The following PCED1B variants were observed in gnomAD, a reference collection of about 807,000 sequenced individuals.
The protein encoded by PCED1B is PC-esterase domain containing 1B.
For synonymous variants in PCED1B, 251 were observed against 246.1 expected (o/e 1.02, Z -0.19); for missense variants, 573 against 573.9 (o/e 1.00, Z 0.02).
chr12:47,155,234 C>A (rs999206942), intron 2 of PCED1B, among the ~76,000 whole-genome samples: 1 of 152,172 alleles, frequency 6.6e-6, no homozygotes, highest in African/African-American at 2.4e-5. Context: ...GTTCCATATA[C>A]TGAAAGGAGC....
At chr12:47,184,002 C>T (rs1454881296) in intron 2 of PCED1B, among the ~76,000 whole-genome samples, 4 of 152,176 alleles carry the variant, frequency 2.6e-5, no homozygotes, top group South Asian at 2.1e-4. Context: ...CCATTAGGTA[C>T]TTAAACCAGC....
Position 47,235,546 on chromosome 12 carries a change from G to A in PCED1B, c.483G>A (p.Val161=). Residue 161 remains valine (V), a synonymous_variant, in exon 4 of 4, where the codon GTG becomes GTA. Coordinates refer to ENST00000546455, the MANE Select transcript of PCED1B (RefSeq NM_138371.3). ...TGCTGCCCGAGTCTTGCCTCCTGGT[G>A]TGGAACACGGCCATGCCTGTGGGCG... ...GQVLPESCLL[V]WNTAMPVGEE... 6.2e-7 allele frequency: 1 copy of A among 1,610,960 alleles called. No individual in the cohort carries two copies. The highest frequency in any genetic ancestry group is 8.5e-7 in the Non-Finnish European group (1 of 1,177,998).
rs1943603774 is a variant in PCED1B, at chr12:47,225,348, C to T, written c.-58+8659C>T. Among the ~76,000 whole-genome samples the T allele has an allele frequency of 3.3e-5, 5 of 152,304 alleles. No homozygotes were observed. In the South Asian group the frequency reaches 1.0e-3, roughly 32 times the overall value. On this transcript the variant is annotated intron_variant, in intron 3 of 3. Coordinates refer to ENST00000546455, the MANE Select transcript of PCED1B (RefSeq NM_138371.3). ...AAAAATAGGCCTGCATTGCTTCTTC[C>T]ACTTTGGTGTTGTATAGGTCACTGG...
At chr12:47,231,279 C>G (rs1300840017) in intron 3 of PCED1B, among the ~76,000 whole-genome samples, 1 of 152,018 alleles carries the variant, frequency 6.6e-6, no homozygotes, top group Non-Finnish European at 1.5e-5. Flanking sequence ...AAGAAATGGC[C>G]AAAGCAGAAA....
chr12:47,218,999 G>A (rs1189703574), intron 3 of PCED1B, among the ~76,000 whole-genome samples: 1 of 151,972 alleles, frequency 6.6e-6, no homozygotes, highest in African/African-American at 2.4e-5. Context: ...CAATTATCTG[G>A]GCATGGTGGC....
chr12:47,120,903 A>G (rs1283313554), intron 2 of PCED1B, among the ~76,000 whole-genome samples: 1 of 152,190 alleles, frequency 6.6e-6, no homozygotes, highest in Non-Finnish European at 1.5e-5. Context: ...AAAAGATCAC[A>G]CATTATATGA....
intron 1 of PCED1B, among the ~76,000 whole-genome samples, chr12:47,089,316 G>T (rs983116421): frequency 1.3e-5 from 2 of 150,916 alleles, no homozygotes; most frequent in African/African-American, 4.9e-5. Flanking sequence ...GCGTGGTGAC[G>T]GGCACCTGTA....
At chr12:47,116,937 T>A (rs569181446) in intron 2 of PCED1B, among the ~76,000 whole-genome samples, 6 of 152,310 alleles carry the variant, frequency 3.9e-5, no homozygotes, top group African/African-American at 1.4e-4. Flanking sequence ...ACAGCCATTG[T>A]CACAGTCAAT....
intron 2 of PCED1B, among the ~76,000 whole-genome samples, chr12:47,122,513 T>A (rs1164880237): frequency 6.6e-6 from 1 of 152,228 alleles, no homozygotes; most frequent in Non-Finnish European, 1.5e-5. Context: ...TAATAGAAAA[T>A]CATTAAACAT....
rs372270881 is a variant in PCED1B, at chr12:47,095,989, ACT to A, written c.-608-8119_-608-8118del. Among the ~76,000 whole-genome samples the A allele has an allele frequency of 5.1e-3, 771 of 151,912 alleles. 6 individuals are homozygous for A. Among genetic ancestry groups the A allele is most frequent in the African/African-American group, 0.017 (687 of 41,374 alleles). The stretch of plus-strand genomic sequence containing the variant: ...TAGCCAGAGAAGCATTTATGTAAAC[ACT>A]CTCTATATTTAATGACTCAGTTTAA... On this transcript the variant is annotated intron_variant, in intron 1 of 3. Transcript: ENST00000546455.
intron 2 of PCED1B, among the ~76,000 whole-genome samples, chr12:47,202,518 A>G (rs1040648525): frequency 6.8e-6 from 1 of 146,792 alleles, no homozygotes; most frequent in Admixed American, 7.1e-5. Context: ...CCACAGCCCC[A>G]GTTTGATCTG....
chr12:47,133,371 G>A (rs2137367115), intron 2 of PCED1B, among the ~76,000 whole-genome samples: 1 of 152,252 alleles, frequency 6.6e-6, no homozygotes, highest in South Asian at 2.1e-4. Flanking sequence ...CCCTTGTCCA[G>A]GGCCCTGAAA....
chr12:47,227,170 G>A (rs1943656338), intron 3 of PCED1B, among the ~76,000 whole-genome samples: 1 of 151,726 alleles, frequency 6.6e-6, no homozygotes, highest in Admixed American at 6.6e-5. Flanking sequence ...TTTTGTTTTT[G>A]TTTTTGTTTT....
At chr12:47,147,353 A>G (rs1233041861) in intron 2 of PCED1B, among the ~76,000 whole-genome samples, 1 of 152,078 alleles carries the variant, frequency 6.6e-6, no homozygotes, top group Non-Finnish European at 1.5e-5. Flanking sequence ...TAAAGCCCTC[A>G]GCCATAAACA....
intron 2 of PCED1B, among the ~76,000 whole-genome samples, chr12:47,117,660 G>A (rs4412820): frequency 0.093 from 14,177 of 152,006 alleles, 1,140 homozygotes; most frequent in African/African-American, 0.22. Flanking sequence ...ATAAACATAC[G>A]TGTGCATGTG....
intron 2 of PCED1B, among the ~76,000 whole-genome samples, chr12:47,120,805 A>AAAT (rs149803333): frequency 0.023 from 3,447 of 152,102 alleles, 107 homozygotes; most frequent in East Asian, 0.076. Context: ...CCATCTCAAA[A>AAAT]AATAATAATA....
At chr12:47,133,089 G>A (rs962400938) in intron 2 of PCED1B, among the ~76,000 whole-genome samples, 1 of 152,054 alleles carries the variant, frequency 6.6e-6, no homozygotes, top group Non-Finnish European at 1.5e-5. Flanking sequence ...TTTACATGTA[G>A]TTCCATAAAA....
At chr12:47,116,679 A>C (rs944219016) in intron 2 of PCED1B, among the ~76,000 whole-genome samples, 1 of 152,174 alleles carries the variant, frequency 6.6e-6, no homozygotes, top group Non-Finnish European at 1.5e-5. Context: ...GAAAATGTCA[A>C]AGTTGTGAGA....
At chr12:47,198,595 A>C (rs1297333047) in intron 2 of PCED1B, among the ~76,000 whole-genome samples, 1 of 152,144 alleles carries the variant, frequency 6.6e-6, no homozygotes, top group Non-Finnish European at 1.5e-5. Flanking sequence ...AAACAAACAA[A>C]AAAAAAAGCA....
Sources: gnomAD v4.1 joint callset for allele counts (sites outside exome capture counted in the v4.1 genomes callset) on GRCh38, gnomAD v4.1.1 for gene constraint, MANE v1.5 for transcripts, NCBI Gene and HGNC (gene_info 2026-07-23, HGNC 2026-07-21) for gene names.